Variants in BBS12 observed in about 807,000 individuals in gnomAD.
BBS12 encodes Bardet-Biedl syndrome 12.
A neutral mutation model predicts 5.6 loss-of-function variants in BBS12; 5 were observed. The observed-to-expected ratio is 0.89, with a 90% CI of 0.46 to 1.86. BBS12 has a LOEUF of 1.86. Among genes scored for constraint, BBS12 ranks in the 40% most tolerant of loss-of-function variants. The pLI is 0.01. For missense variants in BBS12, 748 were observed against 830.4 expected, an observed-to-expected ratio of 0.90 and a Z score of 1.22; for synonymous variants, 308 against 306.8, an observed-to-expected ratio of 1.00 and a Z score of -0.04.
the BBS12 span, among the ~76,000 whole-genome samples, chr4:122,721,264 G>A: frequency 4.6e-5 from 7 of 152,130 alleles, no homozygotes; most frequent in Non-Finnish European, 1.0e-4. Flanking sequence ...AAGAGCACCA[G>A]TTTATAAAAG....
At position 122,743,194 on chromosome 4, in the gene BBS12, C is replaced by A; in HGVS notation, c.1302C>A (p.Ile434=). ...GTATAAACAGTAAGCGGTTGGTAAT[C>A]GGCTCAGTGAATGGCAGTGTGATGC... The part of the protein sequence containing the change: ...EKCINSKRLV[I]GSVNGSVMQA... The change falls in exon 2 of 2, where the codon ATC becomes ATA. Residue 434 remains isoleucine, a synonymous_variant. Transcript: ENST00000314218. The A allele has an allele frequency of 6.2e-7, 1 of 1,614,166 alleles. No homozygotes were observed. The highest frequency in any genetic ancestry group is 8.5e-7 in the Non-Finnish European group (1 of 1,180,030).
At chr4:122,732,210 T>C (rs1269567372), upstream of BBS12, 1 of 152,202 alleles carries the variant, frequency 6.6e-6, no homozygotes, top group African/African-American at 2.4e-5. Context: ...TACACACACA[T>C]ATGGGTGAAA....
the BBS12 span, among the ~76,000 whole-genome samples, chr4:122,708,326 T>C: frequency 6.6e-6 from 1 of 152,176 alleles, no homozygotes; most frequent in African/African-American, 2.4e-5. Flanking sequence ...TCACTACTTT[T>C]GGCCACTTCA....
chr4:122,732,662 T>C (rs542937740), upstream of BBS12: 2 of 152,572 alleles, frequency 1.3e-5, no homozygotes, highest in Admixed American at 6.5e-5. Flanking sequence ...TCCCCGCCTT[T>C]CGCAGCCCGG....
chr4:122,729,064 C>T (rs373792938), upstream of BBS12: 10 of 152,448 alleles, frequency 6.6e-5, no homozygotes, highest in African/African-American at 2.4e-4. Context: ...TTCAGTCTCC[C>T]ATGACCAGAG....
chr4:122,738,793 A>G (rs542873385), intron 1 of BBS12, among the ~76,000 whole-genome samples: 12 of 152,234 alleles, frequency 7.9e-5, no homozygotes, highest in Non-Finnish European at 1.5e-4. Context: ...TCAAAAACAC[A>G]ATGAAATACC....
chr4:122,709,305 G>GACCCAATAAACTTTAACTT, the BBS12 span, among the ~76,000 whole-genome samples: 1 of 152,092 alleles, frequency 6.6e-6, no homozygotes, highest in Non-Finnish European at 1.5e-5. Flanking sequence ...TAATGGCAGA[G>GACCCAATAAACTTTAACTT]TTTACTCAGT....
At chr4:122,704,121 A>T in the BBS12 span, among the ~76,000 whole-genome samples, 1 of 152,194 alleles carries the variant, frequency 6.6e-6, no homozygotes, top group African/African-American at 2.4e-5. Context: ...AAGTGCTGGG[A>T]TTACACGTGT....
At chr4:122,711,724 C>T in the BBS12 span, among the ~76,000 whole-genome samples, 8 of 152,126 alleles carry the variant, frequency 5.3e-5, no homozygotes, top group South Asian at 2.1e-4. Flanking sequence ...TTAGTCAAAA[C>T]GATTACCTTG....
the BBS12 span, among the ~76,000 whole-genome samples, chr4:122,725,606 A>G: frequency 6.6e-6 from 1 of 152,128 alleles, no homozygotes; most frequent in Non-Finnish European, 1.5e-5. Flanking sequence ...CTTATATAAA[A>G]ATCAACTCAA....
intron 1 of BBS12, among the ~76,000 whole-genome samples, chr4:122,739,213 T>A (rs1800828974): frequency 6.6e-6 from 1 of 152,274 alleles, no homozygotes; most frequent in South Asian, 2.1e-4. Flanking sequence ...AAAGAATAAA[T>A]AAGTATTGTT....
At chr4:122,705,346 C>G in the BBS12 span, among the ~76,000 whole-genome samples, 1 of 152,104 alleles carries the variant, frequency 6.6e-6, no homozygotes, top group Non-Finnish European at 1.5e-5. Flanking sequence ...GTGGCTCATG[C>G]GTGTAATCCT....
At chr4:122,716,710 CACATAT>C in the BBS12 span, among the ~76,000 whole-genome samples, 2 of 131,162 alleles carry the variant, frequency 1.5e-5, no homozygotes, top group African/African-American at 6.9e-5. Context: ...TGTATACATA[CACATAT>C]GTGTGTATAT....
the BBS12 span, among the ~76,000 whole-genome samples, chr4:122,727,024 C>T: frequency 6.6e-6 from 1 of 152,058 alleles, no homozygotes; most frequent in African/African-American, 2.4e-5. Context: ...GTGATGGGTG[C>T]ACCAAAATCT....
intron 1 of BBS12, among the ~76,000 whole-genome samples, chr4:122,740,585 T>C (rs1321422973): frequency 6.6e-6 from 1 of 152,226 alleles, no homozygotes; most frequent in East Asian, 1.9e-4. Flanking sequence ...TTTGTCTTTG[T>C]AATCCCGGCA....
chr4:122,727,750 C>T (rs1282560983), upstream of BBS12, among the ~76,000 whole-genome samples: 1 of 151,856 alleles, frequency 6.6e-6, no homozygotes, highest in East Asian at 1.9e-4. Flanking sequence ...GACGGGGTTT[C>T]ACCATGTTGG....
chr4:122,724,760 G>A, the BBS12 span, among the ~76,000 whole-genome samples: 1 of 152,020 alleles, frequency 6.6e-6, no homozygotes, highest in East Asian at 1.9e-4. Flanking sequence ...TTTGATTTTT[G>A]TGTTCTAGTA....
chr4:122,727,901 T>C (rs1382881814), upstream of BBS12, among the ~76,000 whole-genome samples: 2 of 151,992 alleles, frequency 1.3e-5, no homozygotes, highest in East Asian at 3.9e-4. Context: ...TGTTAGACAA[T>C]ACACAAAAAG....
chr4:122,720,049 CTAA>C, the BBS12 span, among the ~76,000 whole-genome samples: 1 of 151,986 alleles, frequency 6.6e-6, no homozygotes, highest in Non-Finnish European at 1.5e-5. Context: ...TCATATCTGG[CTAA>C]AAAACAAGAC....
Sources: allele counts gnomAD v4.1 joint callset (sites outside exome capture counted in the v4.1 genomes callset), GRCh38; gene constraint gnomAD v4.1.1; transcripts MANE v1.5; gene names NCBI Gene and HGNC (gene_info 2026-07-23, HGNC 2026-07-21).